The following AGAP1 variants were observed in gnomAD, a reference collection of about 807,000 sequenced individuals.
The protein encoded by AGAP1 is arf-GAP with GTPase, ANK repeat and PH domain-containing protein 1.
A neutral mutation model predicts 105.3 loss-of-function variants in AGAP1; 29 were observed. The ratio of observed to expected loss-of-function variants is 0.28; its 90% confidence interval spans 0.21 to 0.38. The LOEUF (loss-of-function observed/expected upper bound fraction) is 0.38. Ranked by LOEUF, AGAP1 falls within the 10% of genes least tolerant of loss-of-function variation. The pLI, the probability that AGAP1 is intolerant of heterozygous loss-of-function variation, is 1.00. For synonymous variants in AGAP1, 509 were observed against 485.9 expected (o/e 1.05, Z -0.63); for missense variants, 998 against 1,165.1 (o/e 0.86, Z 2.09).
At position 235,692,362 on chromosome 2, in the gene AGAP1, C is replaced by T. The variant is rs1205605561; in HGVS notation, c.164-16817C>T. Among the ~76,000 whole-genome samples, 1 of 152,100 alleles carries T rather than the reference C, an allele frequency of 6.6e-6. No homozygotes were observed. The highest frequency in any genetic ancestry group is 1.5e-5 in the Non-Finnish European group (1 of 68,024). ...CCAGCACTGGGCCGTCCACTTTGCT[C>T]CTTTGTGCCTGCACTGCCAGGTGCA... On this transcript the variant is annotated intron_variant, in intron 1 of 17. Transcript: ENST00000304032. This position sits in a 1 kb window ranked among gnomAD's most constrained non-coding sequence, Gnocchi z 5.8.
Position 235,905,357 on chromosome 2 carries a change from C to T in AGAP1, c.1156-3381C>T, listed in dbSNP as rs1490656286. Among the ~76,000 whole-genome samples the T allele has an allele frequency of 1.3e-5, 2 of 152,214 alleles. No homozygotes were observed. Among genetic ancestry groups the T allele is most frequent in the African/African-American group, 4.8e-5 (2 of 41,452 alleles). On this transcript the variant is annotated intron_variant, in intron 10 of 17. Coordinates refer to ENST00000304032, the MANE Select transcript of AGAP1 (RefSeq NM_001037131.3). This position sits in a 1 kb window ranked among gnomAD's most constrained non-coding sequence, Gnocchi z 4.2. ...TGTGCAAGAAGGAATTCATTATTTA[C>T]AAGCATTAACTTTGGTTTGGAAAGT...
At position 235,875,911 on chromosome 2, in the gene AGAP1, G is replaced by A. The variant is rs1400842513; in HGVS notation, c.1051-7434G>A. On this transcript the variant is annotated intron_variant, in intron 9 of 17. Coordinates refer to ENST00000304032, the MANE Select transcript of AGAP1 (RefSeq NM_001037131.3). The surrounding 1 kb of genome is among the most constrained non-coding windows in gnomAD (Gnocchi z 4.0). ...TTTTATTTCATTTTAAAAACTCAAT[G>A]CATTGTTTGTTTATATTTAACATGG... is the stretch of plus-strand genomic sequence containing the variant. Among the ~76,000 whole-genome samples, 1 of 152,096 alleles carries A rather than the reference G, an allele frequency of 6.6e-6. No individual in the cohort carries two copies. Among genetic ancestry groups the A allele is most frequent in the Non-Finnish European group, 1.5e-5 (1 of 68,026 alleles).
intron 6 of AGAP1, among the ~76,000 whole-genome samples, chr2:235,759,254 C>T (rs1227206795): frequency 4.6e-5 from 7 of 150,562 alleles, no homozygotes; most frequent in Non-Finnish European, 1.0e-4. Flanking sequence ...CTGCAAGCTC[C>T]ACCTCCTGGG....
chr2:235,826,434 T>C (rs1392265851), intron 9 of AGAP1, among the ~76,000 whole-genome samples: 1 of 152,122 alleles, frequency 6.6e-6, no homozygotes, highest in South Asian at 2.1e-4. Context: ...ATATCTTTTT[T>C]TTTCTTCCCC....
rs534063476 is a variant in AGAP1, at chr2:235,800,988, C to A, written c.957+1466C>A. Among the ~76,000 whole-genome samples, 3 of 152,144 alleles carry A rather than the reference C, an allele frequency of 2.0e-5. No individual in the cohort carries two copies. In the South Asian group the frequency reaches 6.2e-4, roughly 32 times the overall value. ...TGAATCTGATCTTGATGTTACATTGCGATTCCTGCCAAGTCTGGGAGATCC... is the reference window on the plus strand; with the variant it reads ...TGAATCTGATCTTGATGTTACATTGAGATTCCTGCCAAGTCTGGGAGATCC... On this transcript the variant is annotated intron_variant, in intron 8 of 17. Coordinates refer to ENST00000304032, the MANE Select transcript of AGAP1 (RefSeq NM_001037131.3).
intron 13 of AGAP1, among the ~76,000 whole-genome samples, chr2:236,028,659 G>T (rs1252239476): frequency 6.6e-6 from 1 of 152,122 alleles, no homozygotes; most frequent in Non-Finnish European, 1.5e-5. Context: ...TATACCATGT[G>T]AATGTCTTTA....
intron 1 of AGAP1, among the ~76,000 whole-genome samples, chr2:235,594,776 G>A (rs1945463671): frequency 6.6e-6 from 1 of 151,308 alleles, no homozygotes; most frequent in Non-Finnish European, 1.5e-5. Context: ...GTCTCACCAT[G>A]TTGACCAGGC....
chr2:235,675,510 T>A (rs1575096564), intron 1 of AGAP1, among the ~76,000 whole-genome samples: 3 of 152,220 alleles, frequency 2.0e-5, no homozygotes, highest in Non-Finnish European at 4.4e-5. Context: ...AACTATGTAA[T>A]TCAGTGTTTC....
chr2:235,549,034 C>T lies in AGAP1; in HGVS notation c.163+54185C>T, dbSNP rs979155100. On this transcript the variant is annotated intron_variant, in intron 1 of 17. Coordinates refer to ENST00000304032, the MANE Select transcript of AGAP1 (RefSeq NM_001037131.3). This position sits in a 1 kb window ranked among gnomAD's most constrained non-coding sequence, Gnocchi z 4.2. The stretch of plus-strand genomic sequence containing the variant: ...GTGGTCCGAGCCTGGGTGGAAAGCA[C>T]TGCAGGGCAGCTTGTGCAGAAACTG... 1.3e-5 allele frequency among the ~76,000 whole-genome samples: 2 copies of T among 152,220 alleles called. No homozygotes were observed. The highest frequency in any genetic ancestry group is 4.8e-5 in the African/African-American group (2 of 41,464).
In AGAP1 at chr2:236,082,358, G is replaced by T. The variant is rs1265565783; in HGVS notation, c.2114+33077G>T. On this transcript the variant is annotated intron_variant, in intron 16 of 17. Coordinates refer to ENST00000304032, the MANE Select transcript of AGAP1 (RefSeq NM_001037131.3). The surrounding 1 kb of genome is among the most constrained non-coding windows in gnomAD (Gnocchi z 4.2). ...CAGCTAATTTAATTAATCACCCCCAGCTCAGCTCTTCCAGCTGCGACCAGC... is the reference window on the plus strand; with the variant it reads ...CAGCTAATTTAATTAATCACCCCCATCTCAGCTCTTCCAGCTGCGACCAGC... 6.6e-6 allele frequency among the ~76,000 whole-genome samples: 1 copy of T among 152,174 alleles called. No individual in the cohort carries two copies. The highest frequency in any genetic ancestry group is 6.5e-5 in the Admixed American group (1 of 15,276).
rs34419216 is a variant in AGAP1 at position 236,098,620 on chromosome 2, CTTTTTT to C, written c.2115-21558_2115-21553del. 9.5e-5 allele frequency among the ~76,000 whole-genome samples: 11 copies of C among 115,226 alleles called. 1 individual carries two copies. Among genetic ancestry groups the C allele is most frequent in the Admixed American group, 1.8e-4 (2 of 10,924 alleles). 75.6% of individuals were successfully genotyped at this position (115,226 alleles called of 152,430 possible). The stretch of plus-strand genomic sequence containing the variant: ...GCTGACTTGATGAAATCTTTTTTTC[CTTTTTT>C]TTTTTTTTTTTTTAGAGAAACAGGG... On this transcript the variant is annotated intron_variant, in intron 16 of 17. Transcript: ENST00000304032.
rs1450273587 is a variant in AGAP1, at chr2:235,741,020, G to T, written c.368G>T (p.Arg123Ile). 6.2e-7 allele frequency: 1 copy of T among 1,614,166 alleles called. No homozygotes were observed. The highest frequency in any genetic ancestry group is 1.7e-5 in the Admixed American group (1 of 60,028). ...GGACAGAGCTATCTGCTGCTGATCA[G>T]AGATGAAGGGGGCCCCCCGGAGGCG... ...VDGQSYLLLI[R>I]DEGGPPEAQF... The change falls in exon 4 of 18, where the codon AGA (arginine) becomes ATA (isoleucine). Residue 123 changes from arginine (R) to isoleucine (I), a missense_variant. Arg to Ile is a moderately conservative substitution (Grantham distance 97, BLOSUM62 -3). Around this residue, in one of 3 missense-constraint regions of AGAP1, gnomAD observed 735 missense variants for 833.4 expected, o/e 0.88. Coordinates refer to ENST00000304032, the MANE Select transcript of AGAP1 (RefSeq NM_001037131.3). The surrounding 1 kb of genome is among the most constrained non-coding windows in gnomAD (Gnocchi z 4.9).
intron 1 of AGAP1, among the ~76,000 whole-genome samples, chr2:235,607,191 C>CA (rs1032776219): frequency 1.3e-5 from 2 of 151,952 alleles, no homozygotes; most frequent in African/African-American, 2.4e-5. Flanking sequence ...CCAGAGCCCC[C>CA]CCTTCCCTGC....
At chr2:235,632,372 G>T (rs1946856794) in intron 1 of AGAP1, among the ~76,000 whole-genome samples, 1 of 152,134 alleles carries the variant, frequency 6.6e-6, no homozygotes, top group African/African-American at 2.4e-5. Context: ...GGCAGCTCTG[G>T]GGGACTGGGA....
At chr2:235,628,066 A>C (rs1357259232) in intron 1 of AGAP1, among the ~76,000 whole-genome samples, 1 of 152,144 alleles carries the variant, frequency 6.6e-6, no homozygotes, top group African/African-American at 2.4e-5. Context: ...CTTCCCCCCG[A>C]AGCAAGGTGG....
At chr2:235,926,824 C>T (rs779323624) in intron 11 of AGAP1, among the ~76,000 whole-genome samples, 46 of 152,248 alleles carry the variant, frequency 3.0e-4, no homozygotes, top group East Asian at 1.2e-3. Flanking sequence ...TGGGCAACCC[C>T]GGAACCCACT....
chr2:235,580,948 C>CT (rs1944910284), intron 1 of AGAP1, among the ~76,000 whole-genome samples: 1 of 152,006 alleles, frequency 6.6e-6, no homozygotes, highest in South Asian at 2.1e-4. Flanking sequence ...TACCACATGG[C>CT]TTGACAGTTT....
At chr2:236,100,691 G>C (rs2059324834) in intron 16 of AGAP1, among the ~76,000 whole-genome samples, 1 of 151,988 alleles carries the variant, frequency 6.6e-6, no homozygotes, top group Non-Finnish European at 1.5e-5. Context: ...AGCCAGACGT[G>C]GTGTGGTGCA....
At position 236,014,063 on chromosome 2, in the gene AGAP1, C is replaced by T. The variant is rs1366496768; in HGVS notation, c.1646-22498C>T. 3.3e-5 allele frequency among the ~76,000 whole-genome samples: 5 copies of T among 152,086 alleles called. No individual in the cohort carries two copies. The highest frequency in any genetic ancestry group is 1.2e-4 in the African/African-American group (5 of 41,410). ...AGCCTGAGTGGTGGGCCTGCTGCGC[C>T]CTTGTTAAATTGGTTCTCTTCCGAA... is the stretch of plus-strand genomic sequence containing the variant. On this transcript the variant is annotated intron_variant, in intron 13 of 17. Coordinates refer to ENST00000304032, the MANE Select transcript of AGAP1 (RefSeq NM_001037131.3). This position sits in a 1 kb window ranked among gnomAD's most constrained non-coding sequence, Gnocchi z 6.3.
Sources: gnomAD v4.1 joint callset for allele counts (sites outside exome capture counted in the v4.1 genomes callset) on GRCh38, gnomAD v4.1.1 for gene constraint, gnomAD v4.1.1 regional missense constraint, Gnocchi (gnomAD v3.1) non-coding constraint, MANE v1.5 for transcripts, NCBI Gene and HGNC (gene_info 2026-07-23, HGNC 2026-07-21) for gene names.